The following TNC variants were observed in gnomAD, a reference collection of about 807,000 sequenced individuals.
TNC encodes the protein tenascin C, also known as tenascin.
In TNC, 109 loss-of-function variants were observed where a neutral mutation model predicts 202.4. That is an observed-to-expected ratio of 0.54 (90% CI 0.46 to 0.63). The LOEUF is 0.63. Ranked by LOEUF, TNC falls within the 30% of genes least tolerant of loss-of-function variation. TNC has a pLI of 0.00. For synonymous variants in TNC, 1,007 were observed against 1,089.7 expected (o/e 0.92, Z 1.50); for missense variants, 2,756 against 2,833.3 (o/e 0.97, Z 0.62).
At chr9:115,060,926 G>T (rs1233761090) in intron 13 of TNC, among the ~76,000 whole-genome samples, 1 of 152,160 alleles carries the variant, frequency 6.6e-6, no homozygotes, top group African/African-American at 2.4e-5. Context: ...AAAGAAAGGA[G>T]ATTTTTCTCA....
In TNC at chr9:115,036,274, C is replaced by T. The variant is rs567960595; in HGVS notation, c.5513-33G>A. ...TGAAATACACATACCAAGGCAGTCA[C>T]CTCTCACTGTCTGAGCCATGAGTGG... is the stretch of plus-strand genomic sequence containing the variant. On this transcript the variant is annotated intron_variant, in intron 20 of 27. Transcript: ENST00000350763. 6.6e-5 allele frequency: 107 copies of T among 1,610,520 alleles called. 1 individual carries two copies. The South Asian group carries it at 1.0e-3, about 16-fold the overall frequency.
At chr9:115,116,338 T>C (rs1005126103) in intron 1 of TNC, among the ~76,000 whole-genome samples, 1 of 152,202 alleles carries the variant, frequency 6.6e-6, no homozygotes, top group African/African-American at 2.4e-5. Flanking sequence ...TGTGCACCTT[T>C]TTCTTCCCCA....
At position 115,038,293 on chromosome 9, in the gene TNC, T is replaced by C; in HGVS notation, c.5480A>G (p.Asp1827Gly). The C allele has an allele frequency of 1.9e-6, 3 of 1,614,082 alleles. No homozygotes were observed. Among genetic ancestry groups the C allele is most frequent in the Non-Finnish European group, 2.5e-6 (3 of 1,179,978 alleles). Residue 1827 changes from aspartate (D) to glycine (G), a missense_variant, in exon 20 of 28, where the codon GAC becomes GGC. By Grantham distance (94) the Asp-to-Gly change is moderately conservative. Around this residue, in one of 2 missense-constraint regions of TNC, gnomAD observed 2,559 missense variants for 2,546.0 expected, o/e 1.01. Transcript: ENST00000350763. The part of the protein sequence containing the change: ...ARWQPAIATV[D>G]SYVISYTGEK... ...GCCTGTGTAGGAGATGACATAACTG[T>C]CCACAGTGGCAATGGCTGGCTGCCA... is the stretch of plus-strand genomic sequence containing the variant.
intron 19 of TNC, among the ~76,000 whole-genome samples, chr9:115,038,719 A>G (rs1227467742): frequency 2.0e-5 from 3 of 152,252 alleles, no homozygotes; most frequent in Non-Finnish European, 4.4e-5. Context: ...GACAAGAATT[A>G]TTATTGTTTA....
In TNC at chr9:115,035,882, C is replaced by T. The variant is rs143856420; in HGVS notation, c.5656+216G>A. The T allele has an allele frequency of 5.0e-4, 264 of 529,466 alleles. 1 individual carries two copies. In the East Asian group the frequency reaches 5.1e-3, roughly 10 times the overall value. 32.8% of individuals were successfully genotyped at this position (529,466 alleles called of 1,614,324 possible). A position where few individuals can be genotyped will look rare whatever the true frequency, so the allele number is the denominator to read the frequency against. On this transcript the variant is annotated intron_variant, in intron 21 of 27. Coordinates refer to ENST00000350763, the MANE Select transcript of TNC (RefSeq NM_002160.4). Reference sequence around the variant, plus strand: ...CTCCTCTTAAAATCTTTTCCTTCCCCGTGGGGAGACCAAGGTCATTTCAGT... The same window carrying T: ...CTCCTCTTAAAATCTTTTCCTTCCCTGTGGGGAGACCAAGGTCATTTCAGT...
chr9:115,085,625 C>A (rs1834650961), intron 3 of TNC, among the ~76,000 whole-genome samples: 1 of 152,128 alleles, frequency 6.6e-6, no homozygotes. Context: ...GCTGTGTGTC[C>A]CTGGGACAAT....
intron 1 of TNC, among the ~76,000 whole-genome samples, chr9:115,096,358 T>A (rs1191110006): frequency 6.6e-6 from 1 of 152,232 alleles, no homozygotes; most frequent in African/African-American, 2.4e-5. Context: ...CATTGCTCAG[T>A]TGTATCACTC....
rs192331231 is a variant in TNC, at chr9:115,059,782, A to G, written c.4254T>C (p.Tyr1418=). 21 of 1,614,126 alleles carry G rather than the reference A, an allele frequency of 1.3e-5. 1 individual carries two copies. In the East Asian group the frequency reaches 2.9e-4, roughly 22 times the overall value. Residue 1418 remains tyrosine (Y), a synonymous_variant, in exon 14 of 28, where the codon TAT becomes TAC. Coordinates refer to ENST00000350763, the MANE Select transcript of TNC (RefSeq NM_002160.4). ...GTGTTCTATAGCCCCGGATCACCCC[A>G]TAGATGGAGACTCTATAAGGCGTGG... is the stretch of plus-strand genomic sequence containing the variant. The part of the protein sequence containing the change: ...EAATPYRVSI[Y]GVIRGYRTPV...
chr9:115,035,470 T>A, intron 21 of TNC, 136 bp from the exon 22 acceptor site: 1 of 888,466 alleles, frequency 1.1e-6, no homozygotes, highest in Non-Finnish European at 1.7e-6. Flanking sequence ...GAACTTCCTC[T>A]GTATAAATAA....
At chr9:115,023,200 G>A (rs916767239) in intron 27 of TNC, among the ~76,000 whole-genome samples, 2 of 152,138 alleles carry the variant, frequency 1.3e-5, no homozygotes, top group African/African-American at 4.8e-5. Flanking sequence ...GGATCAGCGT[G>A]GTGTGGCCCC....
intron 15 of TNC, among the ~76,000 whole-genome samples, chr9:115,049,713 G>T (rs1418118812): frequency 6.6e-6 from 1 of 150,894 alleles, no homozygotes; most frequent in African/African-American, 2.4e-5. Flanking sequence ...AAGGAGACAG[G>T]AATTTCAAAT....
rs761855393 is a variant in TNC, at chr9:115,091,011, G to A, written c.8C>T (p.Ala3Val). The A allele has an allele frequency of 5.6e-6, 9 of 1,609,790 alleles. No homozygotes were observed. The Admixed American group carries it at 1.0e-4, about 18-fold the overall frequency. MG[A>V]MTQLLAGVFL... ...GACACCTGCCAACAGCTGAGTCATG[G>A]CCCCCATGGTGGAGGTGGGTTTGGC... The change falls in exon 2 of 28, where the codon GCC (alanine) becomes GTC (valine). Residue 3 changes from alanine to valine, a missense_variant. By Grantham distance (64) the Ala-to-Val change is moderately conservative. This residue lies in a region of TNC where 2,559 missense variants were observed against 2,546.0 expected (regional missense o/e 1.01). Coordinates refer to ENST00000350763, the MANE Select transcript of TNC (RefSeq NM_002160.4).
chr9:115,096,874 G>A (rs1196064782), intron 1 of TNC, among the ~76,000 whole-genome samples: 1 of 152,100 alleles, frequency 6.6e-6, no homozygotes, highest in African/African-American at 2.4e-5. Context: ...GCACACCTTA[G>A]AGTCTCGTAA....
At chr9:115,035,985 A>G (rs1237588026) in intron 21 of TNC, 113 bp downstream of exon 21, 1 of 1,281,566 alleles carries the variant, frequency 7.8e-7, no homozygotes, top group African/African-American at 1.5e-5. Context: ...ATGTAATCAC[A>G]TTGCAAGGCC....
At chr9:115,031,465 AT>A in intron 23 of TNC, 87 bp downstream of exon 23, 1 of 1,361,516 alleles carries the variant, frequency 7.3e-7, no homozygotes, top group Non-Finnish European at 9.6e-7. Context: ...TTGTTTGAAA[AT>A]TTTAAAGTAG....
intron 27 of TNC, among the ~76,000 whole-genome samples, chr9:115,022,047 G>A (rs1486529609): frequency 6.6e-6 from 1 of 152,204 alleles, no homozygotes; most frequent in Non-Finnish European, 1.5e-5. Context: ...TTGGCTTCCA[G>A]GTTTCAACTT....
At chr9:115,057,109 G>A (rs765970271) in intron 15 of TNC, 44 bp downstream of exon 15, 1 of 1,566,646 alleles carries the variant, frequency 6.4e-7, no homozygotes, top group East Asian at 2.2e-5. Context: ...CTGCAAAGAA[G>A]ACTGTGGAGA....
chr9:115,026,792 C>G, intron 25 of TNC, 97 bp from the exon 26 acceptor site: 1 of 1,153,556 alleles, frequency 8.7e-7, no homozygotes, highest in Non-Finnish European at 1.2e-6. Context: ...ACACTTAAGA[C>G]AGGGCCAACT....
intron 15 of TNC, among the ~76,000 whole-genome samples, chr9:115,050,347 G>A (rs114431930): frequency 0.015 from 2,214 of 152,118 alleles, 56 homozygotes; most frequent in African/African-American, 0.05. Context: ...CCCAAGACTG[G>A]GTCTCTCAGC....
Sources: gnomAD v4.1 joint callset for allele counts (sites outside exome capture counted in the v4.1 genomes callset) on GRCh38, gnomAD v4.1.1 for gene constraint, gnomAD v4.1.1 regional missense constraint, MANE v1.5 for transcripts, NCBI Gene and HGNC (gene_info 2026-07-23, HGNC 2026-07-21) for gene names.